CCDC57: variants seen among roughly 807,000 people sequenced by gnomAD.
CCDC57 encodes coiled-coil domain containing 57.
A neutral mutation model predicts 118.9 loss-of-function variants in CCDC57; 118 were observed. That is an observed-to-expected ratio of 0.99 (90% CI 0.86 to 1.16). The LOEUF (loss-of-function observed/expected upper bound fraction) is 1.16. Among genes scored for constraint, CCDC57 ranks in the 50% most tolerant of loss-of-function variants. The pLI is 0.00. For missense variants in CCDC57, 1,300 were observed against 1,320.7 expected (o/e 0.98, Z 0.24); for synonymous variants, 527 against 532.9 (o/e 0.99, Z 0.15).
At chr17:82,122,090 C>G (rs1459456784) in intron 19 of CCDC57, among the ~76,000 whole-genome samples, 2 of 152,180 alleles carry the variant, frequency 1.3e-5, no homozygotes, top group African/African-American at 4.8e-5. Context: ...TCTTCACTCT[C>G]TCCCGGATCT....
intron 19 of CCDC57, among the ~76,000 whole-genome samples, chr17:82,104,046 A>G (rs1324436326): frequency 2.0e-5 from 3 of 152,218 alleles, no homozygotes; most frequent in Non-Finnish European, 4.4e-5. Flanking sequence ...AGAGGCACGG[A>G]GCTGGATGTG....
At chr17:82,130,658 ACAAC>A in intron 17 of CCDC57, among the ~76,000 whole-genome samples, 1 of 149,732 alleles carries the variant, frequency 6.7e-6, no homozygotes, top group South Asian at 2.1e-4. Context: ...GCCTGCCACC[ACAAC>A]TGGCTAATTT....
At chr17:82,183,558 T>C (rs2046464151) in intron 9 of CCDC57, among the ~76,000 whole-genome samples, 1 of 152,132 alleles carries the variant, frequency 6.6e-6, no homozygotes, top group African/African-American at 2.4e-5. Context: ...AACACCATCC[T>C]CTGGCCATGC....
At chr17:82,158,511 C>A (rs1219254674) in intron 14 of CCDC57, among the ~76,000 whole-genome samples, 2 of 151,726 alleles carry the variant, frequency 1.3e-5, no homozygotes, top group Admixed American at 6.6e-5. Context: ...CATGGTGAAA[C>A]CCCATCTCTA....
At position 82,176,104 on chromosome 17, in the gene CCDC57, C is replaced by T. The variant is rs112652632; in HGVS notation, c.1506+2370G>A. On this transcript the variant is annotated intron_variant, in intron 11 of 19. Coordinates refer to ENST00000665763, the Ensembl canonical transcript of CCDC57. The stretch of plus-strand genomic sequence containing the variant: ...CCTGGGTCCAGAGTCTAAAACCCCT[C>T]ATGACCTTTGGAACACCAAGCTCTG... 4.6e-3 allele frequency among the ~76,000 whole-genome samples: 707 copies of T among 152,328 alleles called. 6 individuals carry two copies. The highest frequency in any genetic ancestry group is 0.016 in the African/African-American group (674 of 41,568).
chr17:82,103,717 G>A (rs2034634088), intron 19 of CCDC57, among the ~76,000 whole-genome samples: 2 of 152,206 alleles, frequency 1.3e-5, no homozygotes, highest in South Asian at 4.1e-4. Flanking sequence ...GAGGGAGGGG[G>A]GTGAAGGGCC....
chr17:82,191,089 T>C (rs564733880), intron 7 of CCDC57, among the ~76,000 whole-genome samples: 2 of 150,608 alleles, frequency 1.3e-5, no homozygotes, highest in African/African-American at 4.9e-5. Flanking sequence ...AAATCATGAG[T>C]TGTAATACGG....
At chr17:82,163,713 A>G (rs2043632094) in intron 13 of CCDC57, among the ~76,000 whole-genome samples, 1 of 152,040 alleles carries the variant, frequency 6.6e-6, no homozygotes, top group Admixed American at 6.6e-5. Context: ...AAAGAAAAAA[A>G]TCACAATGGA....
At chr17:82,198,823 T>C (rs560779601) in intron 3 of CCDC57, among the ~76,000 whole-genome samples, 37 of 151,414 alleles carry the variant, frequency 2.4e-4, no homozygotes, top group Admixed American at 6.6e-4. Flanking sequence ...ACCCCGTCTC[T>C]ACAAAAAAAT....
intron 9 of CCDC57, among the ~76,000 whole-genome samples, chr17:82,183,128 G>T (rs977018489): frequency 3.0e-4 from 45 of 152,142 alleles, no homozygotes; most frequent in Admixed American, 2.9e-3. Flanking sequence ...TTTGGGGGGG[G>T]ACATAGAGCC....
rs1392472417 is a variant in CCDC57 at position 82,192,165 on chromosome 17, C to T, written c.851+1591G>A. Among the ~76,000 whole-genome samples the T allele has an allele frequency of 2.0e-5, 3 of 151,746 alleles. No homozygotes were observed. Among genetic ancestry groups the T allele is most frequent in the African/African-American group, 7.3e-5 (3 of 41,288 alleles). On this transcript the variant is annotated intron_variant, in intron 7 of 19. Coordinates refer to ENST00000665763, the Ensembl canonical transcript of CCDC57. This position sits in a 1 kb window ranked among gnomAD's most constrained non-coding sequence, Gnocchi z 4.0. ...CACGCCCGGCTAATTTTGTATTTTTCGTAGAGACGGGGTTTCACCATGTTG... is the reference window on the plus strand; with the variant it reads ...CACGCCCGGCTAATTTTGTATTTTTTGTAGAGACGGGGTTTCACCATGTTG...
intron 2 of CCDC57, 108 bp from the exon 2 acceptor site, chr17:82,202,060 G>A (rs1394864915): frequency 1.7e-6 from 2 of 1,147,332 alleles, no homozygotes; most frequent in East Asian, 2.6e-5. Context: ...GCCGGGCACG[G>A]TGGCTCACAC....
Position 82,188,051 on chromosome 17 carries a change from CAA to C in CCDC57, c.1052+166_1052+167del, listed in dbSNP as rs11346964. 5.7e-3 allele frequency among the ~76,000 whole-genome samples: 711 copies of C among 124,356 alleles called. 4 individuals are homozygous for C. Among genetic ancestry groups the C allele is most frequent in the African/African-American group, 0.016 (546 of 33,252 alleles). The allele number at this position is 124,356 out of a possible 152,430, so 81.6% of individuals were successfully genotyped here. On this transcript the variant is annotated intron_variant, in intron 8 of 19. Coordinates refer to ENST00000665763, the Ensembl canonical transcript of CCDC57. Reference sequence around the variant, plus strand: ...CACAATTTCAAAAATAAAGAAAAGGCAAAAAAAAAAAAAAAAGAGTGGTTAAG... The same window carrying C: ...CACAATTTCAAAAATAAAGAAAAGGCAAAAAAAAAAAAAAGAGTGGTTAAG...
At chr17:82,184,200 C>T (rs191128519) in intron 8 of CCDC57, among the ~76,000 whole-genome samples, 112 of 151,924 alleles carry the variant, frequency 7.4e-4, no homozygotes, top group African/African-American at 2.4e-3. Context: ...ACCCAGATTC[C>T]AGCTAAGCTC....
Position 82,143,625 on chromosome 17 carries a change from G to C in CCDC57, c.2455+7935C>G, listed in dbSNP as rs191847617. Among the ~76,000 whole-genome samples, 1,401 of 152,188 alleles carry C rather than the reference G, an allele frequency of 9.2e-3. 18 individuals are homozygous for C. Among genetic ancestry groups the C allele is most frequent in the African/African-American group, 0.032 (1,337 of 41,488 alleles). ...ACAGAAATGGAAGAAAGCAGTGTTT[G>C]AAAAACAATGACTGAGAATTTTAAA... On this transcript the variant is annotated intron_variant, in intron 16 of 19. Coordinates refer to ENST00000665763, the Ensembl canonical transcript of CCDC57.
intron 14 of CCDC57, among the ~76,000 whole-genome samples, chr17:82,161,493 G>C (rs2043328132): frequency 6.6e-6 from 1 of 152,156 alleles, no homozygotes; most frequent in Non-Finnish European, 1.5e-5. Flanking sequence ...CCAAACAGCG[G>C]AAACAACCCA....
At chr17:82,109,337 C>T (rs1340023777) in intron 19 of CCDC57, among the ~76,000 whole-genome samples, 1 of 152,200 alleles carries the variant, frequency 6.6e-6, no homozygotes, top group African/African-American at 2.4e-5. Context: ...GTTCTGTGAG[C>T]CCGGTGTGAG....
chr17:82,202,531 C>T (rs2049122066), intron 2 of CCDC57, among the ~76,000 whole-genome samples: 1 of 151,936 alleles, frequency 6.6e-6, no homozygotes, highest in Admixed American at 6.6e-5. Context: ...GGGTGGGTCA[C>T]CTGAGGTCAG....
At chr17:82,210,634 C>T (rs1204357378) in intron 1 of CCDC57, among the ~76,000 whole-genome samples, 1 of 149,532 alleles carries the variant, frequency 6.7e-6, no homozygotes, top group Non-Finnish European at 1.5e-5. Flanking sequence ...GAGCCGAGAT[C>T]AAGCCACTGC....
Sources: gnomAD v4.1 joint callset for allele counts (sites outside exome capture counted in the v4.1 genomes callset) on GRCh38, gnomAD v4.1.1 for gene constraint, Gnocchi (gnomAD v3.1) non-coding constraint, MANE v1.5 for transcripts, NCBI Gene and HGNC (gene_info 2026-07-23, HGNC 2026-07-21) for gene names.